Variants in NDRG2 observed in about 807,000 individuals in gnomAD.
NDRG2 encodes NDRG family member 2.
A neutral mutation model predicts 58.2 loss-of-function variants in NDRG2; 34 were observed. The ratio of observed to expected loss-of-function variants is 0.58; its 90% confidence interval spans 0.44 to 0.78. NDRG2 has a LOEUF of 0.78. Ranked by LOEUF, NDRG2 falls within the 30% of genes least tolerant of loss-of-function variation. NDRG2 has a pLI of 0.00. For missense variants in NDRG2, 434 were observed against 471.2 expected (o/e 0.92, Z 0.73); for synonymous variants, 187 against 175.9 (o/e 1.06, Z -0.50).
rs112878437 is a variant in NDRG2, at chr14:21,070,732, C to G, written c.24+96G>C. 1.4e-5 allele frequency: 19 copies of G among 1,373,412 alleles called. No individual in the cohort carries two copies. The highest frequency in any genetic ancestry group is 1.1e-4 in the South Asian group (9 of 79,916). 85.1% of individuals were successfully genotyped at this position (1,373,412 alleles called of 1,614,324 possible). On this transcript the variant is annotated intron_variant, in intron 1 of 14. Coordinates refer to the NDRG2 transcript ENST00000403829. This position sits in a 1 kb window ranked among gnomAD's most constrained non-coding sequence, Gnocchi z 4.7. ...TTCCTTTCCTGGAGCTTCCCTCCCCCTCCTGGTCCGAGCTCCTTACCCGCG... is the reference window on the plus strand; with the variant it reads ...TTCCTTTCCTGGAGCTTCCCTCCCCGTCCTGGTCCGAGCTCCTTACCCGCG...
intron 11 of NDRG2, 49 bp downstream of exon 11, chr14:21,019,067 T>G: frequency 1.3e-6 from 2 of 1,545,094 alleles, no homozygotes; most frequent in Non-Finnish European, 1.8e-6. Flanking sequence ...CACAAGCTCC[T>G]AGGGAAGATC....
upstream of NDRG2, chr14:21,030,605 A>G (rs1445451803): frequency 8.7e-6 from 14 of 1,613,838 alleles, no homozygotes; most frequent in African/African-American, 1.3e-5. Flanking sequence ...CAGAAAAAAC[A>G]TTCCATCGGT....
chr14:21,024,401 A>C lies in NDRG2; in HGVS notation c.-378T>G. 3.3e-6 allele frequency: 3 copies of C among 899,176 alleles called. No individual in the cohort carries two copies. The highest frequency in any genetic ancestry group is 4.0e-6 in the Non-Finnish European group (3 of 751,592). The allele number at this position is 899,176 out of a possible 1,614,324, so 55.7% of individuals were successfully genotyped here. A position where few individuals can be genotyped will look rare whatever the true frequency, so the allele number is the denominator to read the frequency against. ...TTCGAATCCCGGCTCTGCCACTCCCAGTGTGACCTTGCCCCAGTTAGTTAC... is the reference window on the plus strand; with the variant it reads ...TTCGAATCCCGGCTCTGCCACTCCCCGTGTGACCTTGCCCCAGTTAGTTAC... On this transcript the variant is annotated 5_prime_UTR_variant, in exon 1 of 16. Transcript: ENST00000556147.
intron 5 of NDRG2, 45 bp from the exon 6 acceptor site, chr14:21,021,924 C>T (rs758481187): frequency 1.9e-6 from 3 of 1,611,426 alleles, no homozygotes; most frequent in South Asian, 1.1e-5. Flanking sequence ...CCTGCCCTCA[C>T]ACCCCCCACC....
intron 1 of NDRG2, among the ~76,000 whole-genome samples, chr14:21,059,886 G>A (rs1023020927): frequency 1.3e-5 from 2 of 152,100 alleles, no homozygotes; most frequent in Non-Finnish European, 2.9e-5. Flanking sequence ...TATTCACAGA[G>A]AGAAAAACAT....
At chr14:21,020,619 G>A (rs1320551832) in intron 7 of NDRG2, 37 bp from the exon 8 acceptor site, 2 of 1,604,098 alleles carry the variant, frequency 1.2e-6, no homozygotes, top group African/African-American at 2.7e-5. Flanking sequence ...GAGAAACAGG[G>A]CATGGCCTTA....
intron 6 of NDRG2, 25 bp from the exon 7 acceptor site, chr14:21,020,869 C>T (rs779850321): frequency 1.2e-5 from 20 of 1,611,952 alleles, no homozygotes; most frequent in Non-Finnish European, 1.6e-5. Flanking sequence ...GAAATATACG[C>T]CTCATGGGAT....
upstream of NDRG2, among the ~76,000 whole-genome samples, chr14:21,028,785 A>G (rs1883867042): frequency 1.3e-5 from 2 of 152,214 alleles, no homozygotes; most frequent in African/African-American, 4.8e-5. Context: ...CAGAGTAGTC[A>G]TCCAACTATG....
At chr14:21,052,910 A>G (rs1419225567) in intron 1 of NDRG2, among the ~76,000 whole-genome samples, 2 of 152,224 alleles carry the variant, frequency 1.3e-5, no homozygotes, top group African/African-American at 2.4e-5. Flanking sequence ...AAGAGAACCA[A>G]TAAGACTAAG....
upstream of NDRG2, chr14:21,030,752 C>A: frequency 6.2e-7 from 1 of 1,613,534 alleles, no homozygotes; most frequent in South Asian, 1.1e-5. Flanking sequence ...TCAGCAAAGT[C>A]AAGTGAGGAG....
intron 1 of NDRG2, chr14:21,032,242 G>A (rs1482557376): frequency 1.3e-6 from 1 of 748,346 alleles, no homozygotes; most frequent in Non-Finnish European, 2.3e-6. Context: ...GCACAGGAGG[G>A]TGGGTTCTCC....
Position 21,017,766 on chromosome 14 carries a change from T to C in NDRG2, c.950-4A>G, listed in dbSNP as rs752893153. On this transcript the variant is annotated splice_region_variant and splice_polypyrimidine_tract_variant and intron_variant, in intron 15 of 15. Transcript: ENST00000556147. The stretch of plus-strand genomic sequence containing the variant: ...CGAGTCATGCAGGATGAGGCCACTG[T>C]GGAGACAGCACGATGCACAAGCAGT... 3.1e-6 allele frequency: 5 copies of C among 1,601,168 alleles called. No individual in the cohort carries two copies. Among genetic ancestry groups the C allele is most frequent in the Non-Finnish European group, 4.3e-6 (5 of 1,173,504 alleles).
At chr14:21,059,872 T>C (rs140334624) in intron 1 of NDRG2, among the ~76,000 whole-genome samples, 1 of 152,304 alleles carries the variant, frequency 6.6e-6, no homozygotes, top group Non-Finnish European at 1.5e-5. Flanking sequence ...CTTGTATTGA[T>C]AGATATTCAC....
At chr14:21,057,154 AC>A (rs1460830410) in intron 1 of NDRG2, among the ~76,000 whole-genome samples, 3 of 152,066 alleles carry the variant, frequency 2.0e-5, no homozygotes, top group African/African-American at 7.2e-5. Flanking sequence ...GTTTCTCTTA[AC>A]CGGGCGCGGT....
upstream of NDRG2, chr14:21,025,149 G>A (rs1883239510): frequency 2.1e-6 from 2 of 959,144 alleles, no homozygotes; most frequent in East Asian, 1.2e-4. The surrounding 1 kb of genome is among the most constrained non-coding windows in gnomAD (Gnocchi z 5.1). Context: ...TAGGCTCCCC[G>A]CAGACCCGCC....
chr14:21,059,522 TCTCA>T (rs1295864943), intron 1 of NDRG2, among the ~76,000 whole-genome samples: 1 of 151,744 alleles, frequency 6.6e-6, no homozygotes, highest in Non-Finnish European at 1.5e-5. Context: ...TGAGACAGGG[TCTCA>T]CTCTGTCACC....
intron 1 of NDRG2, chr14:21,034,321 G>A (rs771694607): frequency 2.0e-6 from 3 of 1,525,504 alleles, no homozygotes; most frequent in South Asian, 1.2e-5. Context: ...GTGGTTGGGG[G>A]CAGCAGTGGG....
chr14:21,016,940 G>A lies in NDRG2; in HGVS notation c.*656C>T. On this transcript the variant is annotated 3_prime_UTR_variant, in exon 16 of 16. Coordinates refer to ENST00000556147, the MANE Select transcript of NDRG2 (RefSeq NM_001320329.2). Reference sequence around the variant, plus strand: ...CTCCCTCCCCAGTCCCACTCTAGATGCACACTGAGCTACCAAAGTTAGTGC... The same window carrying A: ...CTCCCTCCCCAGTCCCACTCTAGATACACACTGAGCTACCAAAGTTAGTGC... 2.2e-6 allele frequency: 1 copy of A among 456,616 alleles called. No individual in the cohort carries two copies. The highest frequency in any genetic ancestry group is 4.4e-6 in the Non-Finnish European group (1 of 226,808). The allele number at this position is 456,616 out of a possible 1,614,324, so 28.3% of individuals were successfully genotyped here.
rs201950279 is a variant in NDRG2 at position 21,034,168 on chromosome 14, T to C, written c.25-10847A>G. 42 of 1,613,978 alleles carry C rather than the reference T, an allele frequency of 2.6e-5. No homozygotes were observed. The highest frequency in any genetic ancestry group is 3.4e-5 in the Non-Finnish European group (40 of 1,179,982). On this transcript the variant is annotated intron_variant, in intron 1 of 14. Transcript: ENST00000403829. ...CGGAAACCCTTTGGGTAGTTAACCC[T>C]GGGATAGTCAATGCTTAAGGTATAG...
Sources: gnomAD v4.1 joint callset for allele counts (sites outside exome capture counted in the v4.1 genomes callset) on GRCh38, gnomAD v4.1.1 for gene constraint, Gnocchi (gnomAD v3.1) non-coding constraint, MANE v1.5 for transcripts, NCBI Gene and HGNC (gene_info 2026-07-23, HGNC 2026-07-21) for gene names.